RPH3A: variants seen among roughly 807,000 people sequenced by gnomAD.
RPH3A encodes rabphilin-3A.
RPH3A carries 48 observed loss-of-function variants against 102.2 expected under a neutral mutation model. The ratio of observed to expected loss-of-function variants is 0.47; its 90% confidence interval spans 0.37 to 0.60. The LOEUF (loss-of-function observed/expected upper bound fraction) is 0.60, where lower values mean the gene tolerates loss of function less well. Among genes scored for constraint, RPH3A ranks in the 20% least tolerant of loss-of-function variants. The pLI, the probability that RPH3A is intolerant of heterozygous loss-of-function variation, is 0.00. For synonymous variants in RPH3A, 310 were observed against 324.3 expected (o/e 0.96, Z 0.47); for missense variants, 781 against 910.1 (o/e 0.86, Z 1.83).
intron 17 of RPH3A, among the ~76,000 whole-genome samples, chr12:112,889,064 C>G (rs181927262): frequency 9.9e-4 from 151 of 152,314 alleles, no homozygotes; most frequent in Non-Finnish European, 1.6e-3. Flanking sequence ...ACCAGATGGC[C>G]AGCCTGAGGA....
intron 1 of RPH3A, among the ~76,000 whole-genome samples, chr12:112,684,659 A>T (rs56278638): frequency 0.25 from 37,355 of 152,132 alleles, 4,960 homozygotes; most frequent in Admixed American, 0.32. Context: ...ACAAATTTAT[A>T]TGGCTATTAG....
intron 1 of RPH3A, among the ~76,000 whole-genome samples, chr12:112,752,485 T>C (rs1410153006): frequency 6.6e-6 from 1 of 152,190 alleles, no homozygotes; most frequent in Non-Finnish European, 1.5e-5. Context: ...TATATGCTAA[T>C]ACGTATCTCT....
chr12:112,894,413 GC>G lies in RPH3A; in HGVS notation c.1776-163del. On this transcript the variant is annotated intron_variant, in intron 19 of 21. Coordinates refer to ENST00000389385, the MANE Select transcript of RPH3A (RefSeq NM_001143854.2). Reference sequence around the variant, plus strand: ...ATATGCCTAAGTTGCTCAGTCAAGTGCCTGGTACCAAGCAGATGCTCTAATG... The same window carrying G: ...ATATGCCTAAGTTGCTCAGTCAAGTGCTGGTACCAAGCAGATGCTCTAATG... The G allele has an allele frequency of 4.5e-6, 3 of 667,172 alleles. No homozygotes were observed. In the South Asian group the frequency reaches 5.4e-5, roughly 12 times the overall value. The allele number at this position is 667,172 out of a possible 1,614,324, so 41.3% of individuals were successfully genotyped here. A position where few individuals can be genotyped will look rare whatever the true frequency, so the allele number is the denominator to read the frequency against.
At chr12:112,636,738 A>G (rs2039851450) in intron 1 of RPH3A, among the ~76,000 whole-genome samples, 1 of 152,186 alleles carries the variant, frequency 6.6e-6, no homozygotes, top group African/African-American at 2.4e-5. Flanking sequence ...TCTTGAGTGT[A>G]GGCTTGAGAT....
intron 1 of RPH3A, among the ~76,000 whole-genome samples, chr12:112,726,086 C>T (rs2040588004): frequency 6.8e-6 from 1 of 147,882 alleles, no homozygotes; most frequent in Non-Finnish European, 1.5e-5. Flanking sequence ...TGAGCCACCG[C>T]ACCCAGCCTT....
intron 1 of RPH3A, among the ~76,000 whole-genome samples, chr12:112,672,371 A>G (rs1008321386): frequency 7.2e-5 from 11 of 152,220 alleles, no homozygotes; most frequent in Admixed American, 2.0e-4. Flanking sequence ...ATCTAAAACA[A>G]ATGGTTCCAC....
chr12:112,890,301 C>A (rs1414748608), intron 18 of RPH3A, among the ~76,000 whole-genome samples: 1 of 152,186 alleles, frequency 6.6e-6, no homozygotes. Flanking sequence ...CCAGGATGCC[C>A]ACCAGGTTTT....
intron 2 of RPH3A, among the ~76,000 whole-genome samples, chr12:112,800,241 T>C (rs926397080): frequency 2.0e-5 from 3 of 151,338 alleles, no homozygotes; most frequent in Non-Finnish European, 4.4e-5. Context: ...GGAGGCTGAG[T>C]TTCTAGGAGG....
At chr12:112,585,823 C>T (rs1271895312) in intron 1 of RPH3A, among the ~76,000 whole-genome samples, 6 of 152,276 alleles carry the variant, frequency 3.9e-5, no homozygotes, top group African/African-American at 1.4e-4. Flanking sequence ...CACCTCTAAT[C>T]CTGATGTTGA....
chr12:112,618,220 G>A (rs752973235), intron 1 of RPH3A, among the ~76,000 whole-genome samples: 2 of 152,144 alleles, frequency 1.3e-5, no homozygotes, highest in Admixed American at 1.3e-4. Context: ...TATACTGTGA[G>A]GCACCCCTAA....
chr12:112,895,397 C>T (rs765075782), intron 20 of RPH3A: 5 of 171,814 alleles, frequency 2.9e-5, no homozygotes, highest in South Asian at 1.6e-4. Flanking sequence ...CCACCGGGCC[C>T]GGCCACTTCA....
intron 10 of RPH3A, among the ~76,000 whole-genome samples, chr12:112,870,382 T>C (rs988658714): frequency 8.0e-5 from 12 of 150,400 alleles, no homozygotes; most frequent in Non-Finnish European, 1.8e-4. Flanking sequence ...TGCTTCACTC[T>C]CAAAGATCTC....
intron 1 of RPH3A, among the ~76,000 whole-genome samples, chr12:112,722,368 G>A (rs1365761632): frequency 2.0e-5 from 3 of 152,206 alleles, no homozygotes; most frequent in Non-Finnish European, 4.4e-5. Context: ...AAGAATTCTG[G>A]TTGTCAAAAG....
chr12:112,613,453 G>A (rs1044034947), intron 1 of RPH3A, among the ~76,000 whole-genome samples: 1 of 152,120 alleles, frequency 6.6e-6, no homozygotes, highest in Non-Finnish European at 1.5e-5. Context: ...TCCCAAAGAT[G>A]TCCATGTCCT....
intron 1 of RPH3A, among the ~76,000 whole-genome samples, chr12:112,743,512 AC>A (rs2040724388): frequency 6.6e-6 from 1 of 152,194 alleles, no homozygotes. Flanking sequence ...GCTACTGTGT[AC>A]GCTGCTAAAA....
chr12:112,785,790 A>T (rs1436796305), intron 1 of RPH3A, among the ~76,000 whole-genome samples: 1 of 152,110 alleles, frequency 6.6e-6, no homozygotes, highest in Non-Finnish European at 1.5e-5. Context: ...TAGCTCTAGA[A>T]CCTGGCCTCT....
intron 1 of RPH3A, among the ~76,000 whole-genome samples, chr12:112,744,505 A>G (rs2040730779): frequency 6.6e-6 from 1 of 152,040 alleles, no homozygotes; most frequent in Non-Finnish European, 1.5e-5. Flanking sequence ...TTCGGAGGGG[A>G]GTTGGGCTGG....
At chr12:112,855,146 G>A (rs753376088) in intron 5 of RPH3A, among the ~76,000 whole-genome samples, 2 of 152,188 alleles carry the variant, frequency 1.3e-5, no homozygotes, top group Non-Finnish European at 2.9e-5. Flanking sequence ...CCTCTGGGCA[G>A]CTGGACCTAA....
rs555270050 is a variant in RPH3A at position 112,755,892 on chromosome 12, T to G, written c.-139-36251T>G. 2.6e-5 allele frequency among the ~76,000 whole-genome samples: 4 copies of G among 152,310 alleles called. No individual in the cohort carries two copies. The South Asian group carries it at 8.3e-4, about 32-fold the overall frequency. ...GGAATGCCATATCCTTTATGCCTTGTTATTTGCTAATATGTCATGTAAATC... is the reference window on the plus strand; with the variant it reads ...GGAATGCCATATCCTTTATGCCTTGGTATTTGCTAATATGTCATGTAAATC... On this transcript the variant is annotated intron_variant, in intron 1 of 21. Coordinates refer to the RPH3A transcript ENST00000543106.
Sources: gnomAD v4.1 joint callset for allele counts (sites outside exome capture counted in the v4.1 genomes callset) on GRCh38, gnomAD v4.1.1 for gene constraint, MANE v1.5 for transcripts, NCBI Gene and HGNC (gene_info 2026-07-23, HGNC 2026-07-21) for gene names.